Variants in SIPA1L3 observed in about 807,000 individuals in gnomAD.
SIPA1L3 encodes signal induced proliferation associated 1 like 3.
In SIPA1L3, 59 loss-of-function variants were observed where a neutral mutation model predicts 150.1. That is an observed-to-expected ratio of 0.39 (90% confidence interval 0.32 to 0.49). The LOEUF is 0.49. Ranked by LOEUF, SIPA1L3 falls within the 20% of genes least tolerant of loss-of-function variation. The probability of loss-of-function intolerance (pLI) is 0.86; values close to 1 mark genes in which losing one functional copy is unlikely to be tolerated. For missense variants in SIPA1L3, 2,211 were observed against 2,489.5 expected (o/e 0.89, Z 2.38); for synonymous variants, 1,070 against 1,077.6 (o/e 0.99, Z 0.14).
intron 10 of SIPA1L3, among the ~76,000 whole-genome samples, chr19:38,140,216 G>A (rs1345304927): frequency 6.6e-6 from 1 of 152,180 alleles, no homozygotes; most frequent in Non-Finnish European, 1.5e-5. Flanking sequence ...GCCAGGAGGT[G>A]GATTTCATGA....
intron 1 of SIPA1L3, among the ~76,000 whole-genome samples, chr19:37,998,091 A>G (rs1167293276): frequency 6.6e-6 from 1 of 152,192 alleles, no homozygotes; most frequent in East Asian, 1.9e-4. Context: ...CCACATCTGT[A>G]CCAGAGAGAA....
chr19:37,926,505 G>C (rs1189571310), intron 1 of SIPA1L3, among the ~76,000 whole-genome samples: 4 of 152,278 alleles, frequency 2.6e-5, no homozygotes. Flanking sequence ...TCTGGAACCC[G>C]TGGGCATTCT....
chr19:37,923,168 G>A (rs1003492885), intron 1 of SIPA1L3, among the ~76,000 whole-genome samples: 10 of 152,044 alleles, frequency 6.6e-5, no homozygotes, highest in Admixed American at 2.0e-4. Flanking sequence ...AACACGCACC[G>A]TGTCAGTTGG....
intron 4 of SIPA1L3, among the ~76,000 whole-genome samples, chr19:38,090,919 G>A (rs939252654): frequency 2.6e-5 from 4 of 152,202 alleles, no homozygotes; most frequent in African/African-American, 7.2e-5. Context: ...AGCCATGTGC[G>A]CCAAACCACA....
At chr19:37,932,025 C>G (rs2046558795) in intron 1 of SIPA1L3, among the ~76,000 whole-genome samples, 1 of 152,254 alleles carries the variant, frequency 6.6e-6, no homozygotes, top group African/African-American at 2.4e-5. Context: ...TATTAGCCAG[C>G]CAAAGCCGTT....
chr19:38,030,143 C>T (rs964201367), intron 2 of SIPA1L3, among the ~76,000 whole-genome samples: 3 of 152,100 alleles, frequency 2.0e-5, no homozygotes, highest in Non-Finnish European at 2.9e-5. Flanking sequence ...CATGAACCAC[C>T]GCACCTGGCC....
At chr19:37,942,437 G>A (rs1289022766) in intron 1 of SIPA1L3, among the ~76,000 whole-genome samples, 1 of 150,740 alleles carries the variant, frequency 6.6e-6, no homozygotes, top group Non-Finnish European at 1.5e-5. Context: ...TGAAAGATCA[G>A]GGAAGAGCTT....
intron 9 of SIPA1L3, among the ~76,000 whole-genome samples, chr19:38,127,600 C>G (rs992020345): frequency 7.9e-5 from 12 of 152,134 alleles, no homozygotes; most frequent in African/African-American, 2.4e-4. Context: ...AAGCCTGCCT[C>G]CCACCTCAGC....
chr19:38,097,717 C>T (rs200376259), intron 4 of SIPA1L3, among the ~76,000 whole-genome samples: 20 of 152,214 alleles, frequency 1.3e-4, no homozygotes, highest in Middle Eastern at 6.8e-3. Context: ...CCACCACGCC[C>T]GGCTAATTTT....
intron 1 of SIPA1L3, among the ~76,000 whole-genome samples, chr19:38,012,273 T>TG (rs1018696915): frequency 2.0e-5 from 3 of 151,580 alleles, no homozygotes; most frequent in South Asian, 2.1e-4. Flanking sequence ...TTGGTAGAGA[T>TG]GGGGGTCTCA....
At chr19:37,936,482 C>G (rs933270510) in intron 1 of SIPA1L3, among the ~76,000 whole-genome samples, 1 of 152,232 alleles carries the variant, frequency 6.6e-6, no homozygotes, top group Non-Finnish European at 1.5e-5. Flanking sequence ...GCTGAGCTCA[C>G]CTCTCTCATA....
intron 1 of SIPA1L3, among the ~76,000 whole-genome samples, chr19:37,989,306 A>G (rs1203423621): frequency 6.6e-6 from 1 of 151,494 alleles, no homozygotes; most frequent in African/African-American, 2.4e-5. Flanking sequence ...TGCAACATCC[A>G]TTTGCTGAAC....
intron 18 of SIPA1L3, among the ~76,000 whole-genome samples, chr19:38,195,806 C>A (rs1277476007): frequency 3.8e-5 from 5 of 132,274 alleles, no homozygotes; most frequent in Admixed American, 7.3e-5. Context: ...CCCCCCGCCC[C>A]CCCGGGTTTC....
chr19:38,119,161 A>G lies in SIPA1L3; in HGVS notation c.2292-145A>G, dbSNP rs1970957702. ...CAGTGCGCTATGATTGCACCATTGCACTCCAGCCTGGGTGACAGAGTGAGA... is the reference window on the plus strand; with the variant it reads ...CAGTGCGCTATGATTGCACCATTGCGCTCCAGCCTGGGTGACAGAGTGAGA... On this transcript the variant is annotated intron_variant, in intron 8 of 21. Transcript: ENST00000222345. 5.2e-6 allele frequency: 4 copies of G among 764,032 alleles called. No individual in the cohort carries two copies. The East Asian group carries it at 8.0e-5, about 15-fold the overall frequency. 47.3% of individuals were successfully genotyped at this position (764,032 alleles called of 1,614,324 possible).
Position 38,077,661 on chromosome 19 carries a change from C to CTTTTTTTTTTTTTTTTTTTTTTTT in SIPA1L3, c.-310-3591_-310-3568dup, listed in dbSNP as rs58788182. Reference sequence around the variant, plus strand: ...TTTTTTCTTTTTTCTTTTTCTTTTTCTTTTTTTTTTTTTTTTTTTTTTTTT... The same window carrying CTTTTTTTTTTTTTTTTTTTTTTTT: ...TTTTTTCTTTTTTCTTTTTCTTTTTCTTTTTTTTTTTTTTTTTTTTTTTTTTTTTTTTTTTTTTTTTTTTTTTTT... On this transcript the variant is annotated intron_variant, in intron 2 of 21. Coordinates refer to ENST00000222345, the MANE Select transcript of SIPA1L3 (RefSeq NM_015073.3). Among the ~76,000 whole-genome samples the CTTTTTTTTTTTTTTTTTTTTTTTT allele has an allele frequency of 5.0e-4, 32 of 64,324 alleles. 5 individuals are homozygous for CTTTTTTTTTTTTTTTTTTTTTTTT. Among genetic ancestry groups the CTTTTTTTTTTTTTTTTTTTTTTTT allele is most frequent in the African/African-American group, 1.4e-3 (24 of 16,920 alleles). The allele number at this position is 64,324 out of a possible 152,430, so 42.2% of individuals were successfully genotyped here. A position where few individuals can be genotyped will look rare whatever the true frequency, so the allele number is the denominator to read the frequency against.
intron 15 of SIPA1L3, among the ~76,000 whole-genome samples, chr19:38,175,538 G>A (rs1226993131): frequency 1.3e-5 from 2 of 152,080 alleles, no homozygotes; most frequent in African/African-American, 4.8e-5. Flanking sequence ...TAGCTCTCTG[G>A]TTGAAGGTGA....
chr19:38,167,511 A>C (rs1972236600), intron 15 of SIPA1L3, among the ~76,000 whole-genome samples: 1 of 152,152 alleles, frequency 6.6e-6, no homozygotes, highest in Non-Finnish European at 1.5e-5. Flanking sequence ...AGACAGACAG[A>C]GAGAGACACT....
At chr19:38,009,264 C>T (rs966035638) in intron 1 of SIPA1L3, among the ~76,000 whole-genome samples, 8 of 152,096 alleles carry the variant, frequency 5.3e-5, no homozygotes, top group African/African-American at 1.9e-4. Context: ...GTGATCTACC[C>T]GCCTTGGCCT....
At chr19:38,067,420 G>A (rs188258316) in intron 2 of SIPA1L3, among the ~76,000 whole-genome samples, 4 of 152,152 alleles carry the variant, frequency 2.6e-5, no homozygotes, top group Non-Finnish European at 5.9e-5. Context: ...TGGGTCCCTG[G>A]GTAGGAATTT....
Sources: allele counts gnomAD v4.1 joint callset (sites outside exome capture counted in the v4.1 genomes callset), GRCh38; gene constraint gnomAD v4.1.1; transcripts MANE v1.5; gene names NCBI Gene and HGNC (gene_info 2026-07-23, HGNC 2026-07-21).